Variants in ZNF225 observed in about 807,000 individuals in gnomAD.
The protein encoded by ZNF225 is zinc finger protein 225.
In ZNF225, 6 loss-of-function variants were observed where a neutral mutation model predicts 12.0. That is an observed-to-expected ratio of 0.50 (90% CI 0.27 to 0.98). The LOEUF (loss-of-function observed/expected upper bound fraction) is 0.98. Among genes scored for constraint, ZNF225 ranks in the 50% least tolerant of loss-of-function variants. The pLI, the probability that ZNF225 is intolerant of heterozygous loss-of-function variation, is 0.11. For missense variants in ZNF225, 763 were observed against 848.2 expected, an observed-to-expected ratio of 0.90 and a Z score of 1.25; for synonymous variants, 271 against 283.2, an observed-to-expected ratio of 0.96 and a Z score of 0.43.
At chr19:44,120,367 C>G (rs1051863816) in intron 4 of ZNF225, among the ~76,000 whole-genome samples, 3 of 152,170 alleles carry the variant, frequency 2.0e-5, no homozygotes, top group Admixed American at 1.3e-4. Flanking sequence ...GCTGTCTATT[C>G]ACAGGCTAGA....
At chr19:44,125,292 A>C (rs1026928606) in intron 4 of ZNF225, among the ~76,000 whole-genome samples, 6 of 152,168 alleles carry the variant, frequency 3.9e-5, no homozygotes, top group Admixed American at 3.9e-4. Flanking sequence ...TTCATATATG[A>C]TGCTTAGTTT....
At chr19:44,128,156 C>T (rs543108955) in intron 4 of ZNF225, among the ~76,000 whole-genome samples, 1 of 152,334 alleles carries the variant, frequency 6.6e-6, no homozygotes, top group Admixed American at 6.5e-5. Flanking sequence ...GTTTCTCTTT[C>T]CTTCTCCTAG....
intron 4 of ZNF225, among the ~76,000 whole-genome samples, chr19:44,123,423 T>C (rs937654888): frequency 1.5e-4 from 23 of 152,230 alleles, no homozygotes; most frequent in Non-Finnish European, 3.1e-4. Context: ...TTAGCATCAA[T>C]GTTCATCAAG....
At chr19:44,113,829 C>T (rs1967880521) in intron 1 of ZNF225, among the ~76,000 whole-genome samples, 1 of 152,156 alleles carries the variant, frequency 6.6e-6, no homozygotes, top group Admixed American at 6.5e-5. Flanking sequence ...GAGTTTAGGA[C>T]CATCCTAATA....
At position 44,132,006 on chromosome 19, in the gene ZNF225, C is replaced by T; in HGVS notation, c.1392C>T (p.Ser464=). Residue 464 remains serine, a synonymous_variant, in exon 5 of 5, where the codon AGC becomes AGT. Coordinates refer to ENST00000262894, the MANE Select transcript of ZNF225 (RefSeq NM_013362.4). The part of the protein sequence containing the change: ...KPYNCKECGK[S]FGWASCLLNH... ...ATAATTGTAAGGAATGTGGGAAGAG[C>T]TTTGGCTGGGCCTCGTGTCTTTTGA... is the stretch of plus-strand genomic sequence containing the variant. The T allele has an allele frequency of 1.2e-6, 2 of 1,613,972 alleles. No individual in the cohort carries two copies. Among genetic ancestry groups the T allele is most frequent in the Non-Finnish European group, 1.7e-6 (2 of 1,179,986 alleles).
At chr19:44,113,038 A>G (rs548869904), upstream of ZNF225, 6 of 152,324 alleles carry the variant, frequency 3.9e-5, 1 homozygote, top group African/African-American at 1.4e-4. Flanking sequence ...ATTCGTTCCC[A>G]GTGGGCACCT....
chr19:44,127,614 A>G (rs755918281), intron 4 of ZNF225, among the ~76,000 whole-genome samples: 2 of 152,090 alleles, frequency 1.3e-5, no homozygotes, highest in Non-Finnish European at 2.9e-5. Context: ...ATCCGTGGAA[A>G]GAAACCTTTT....
chr19:44,124,030 T>C (rs1364093953), intron 4 of ZNF225, among the ~76,000 whole-genome samples: 2 of 152,142 alleles, frequency 1.3e-5, no homozygotes, highest in Non-Finnish European at 2.9e-5. Flanking sequence ...GCTCTGATCT[T>C]GGTTCTTTCC....
At chr19:44,124,209 G>A (rs1331049689) in intron 4 of ZNF225, among the ~76,000 whole-genome samples, 1 of 152,030 alleles carries the variant, frequency 6.6e-6, no homozygotes, top group Admixed American at 6.6e-5. Flanking sequence ...TTCATGGGTT[G>A]TGTCATTATT....
rs770267059 is a variant in ZNF225, at chr19:44,118,514, T to G, written c.175T>G (p.Phe59Val). The change falls in exon 4 of 5, where the codon TTC becomes GTC. Residue 59 changes from phenylalanine (F) to valine (V), a missense_variant. By Grantham distance (50) the Phe-to-Val change is conservative. Coordinates refer to ENST00000262894, the MANE Select transcript of ZNF225 (RefSeq NM_013362.4). ...HQSLHRDTFH[F>V]LKEEKFWMME... Reference sequence around the variant, plus strand: ...ATCACTCCACAGAGATACTTTCCACTTCCTAAAGGAAGAAAAGTTTTGGAT... The same window carrying G: ...ATCACTCCACAGAGATACTTTCCACGTCCTAAAGGAAGAAAAGTTTTGGAT... The G allele has an allele frequency of 8.1e-6, 13 of 1,613,472 alleles. No homozygotes were observed. The African/African-American group carries it at 1.6e-4, about 20-fold the overall frequency.
rs1968259576 is a variant in ZNF225, at chr19:44,131,567, G to A, written c.953G>A (p.Cys318Tyr). 3.7e-6 allele frequency: 6 copies of A among 1,614,082 alleles called. No individual in the cohort carries two copies. The highest frequency in any genetic ancestry group is 1.3e-5 in the African/African-American group (1 of 74,934). ...CACATGCGAGAGAAACCATTCAGAT[G>A]TGATACATGTGGTAAGAGCTTTGGT... is the stretch of plus-strand genomic sequence containing the variant. Reference protein sequence around the residue: ...MVHMREKPFRCDTCGKSFGLK... With the variant: ...MVHMREKPFRYDTCGKSFGLK... The change falls in exon 5 of 5, where the codon TGT becomes TAT. Residue 318 changes from cysteine (C) to tyrosine (Y), a missense_variant. Physicochemically the swap from Cys to Tyr is radical, Grantham distance 194. Transcript: ENST00000262894.
At position 44,122,131 on chromosome 19, in the gene ZNF225, C is replaced by T. The variant is rs191802955; in HGVS notation, c.235+3557C>T. Among the ~76,000 whole-genome samples the T allele has an allele frequency of 8.2e-3, 1,254 of 152,254 alleles. 25 individuals are homozygous for T. The highest frequency in any genetic ancestry group is 0.028 in the African/African-American group (1,173 of 41,546). On this transcript the variant is annotated intron_variant, in intron 4 of 4. Coordinates refer to ENST00000262894, the MANE Select transcript of ZNF225 (RefSeq NM_013362.4). ...TTCTAGAATTTTTATAGTTTCAGGTCTTAGATTTGAGTCCTTAATCTATCT... is the reference window on the plus strand; with the variant it reads ...TTCTAGAATTTTTATAGTTTCAGGTTTTAGATTTGAGTCCTTAATCTATCT...
chr19:44,117,112 TA>T (rs1174504617), intron 2 of ZNF225, among the ~76,000 whole-genome samples: 9 of 152,086 alleles, frequency 5.9e-5, no homozygotes, highest in East Asian at 3.8e-4. Flanking sequence ...ACAATAATAA[TA>T]AAAAAAATTT....
rs189754665 is a variant in ZNF225 at position 44,131,342 on chromosome 19, G to A, written c.728G>A (p.Arg243His). The change falls in exon 5 of 5, where the codon CGT becomes CAT. Residue 243 changes from arginine (R) to histidine (H), a missense_variant. Physicochemically the swap from Arg to His is conservative, Grantham distance 29 (BLOSUM62 0). Coordinates refer to ENST00000262894, the MANE Select transcript of ZNF225 (RefSeq NM_013362.4). ...GAGCAGTGTGGGAAAGGCTTTAGTCGTAGATCAGGACTTTATGTTCATCGT... is the reference window on the plus strand; with the variant it reads ...GAGCAGTGTGGGAAAGGCTTTAGTCATAGATCAGGACTTTATGTTCATCGT... The part of the protein sequence containing the change: ...KCEQCGKGFS[R>H]RSGLYVHRKL... 2.4e-3 allele frequency: 3,853 copies of A among 1,614,062 alleles called. 6 individuals are homozygous for A. Among genetic ancestry groups the A allele is most frequent in the Non-Finnish European group, 2.9e-3 (3,475 of 1,180,006 alleles).
At chr19:44,112,504 ATTTTG>A (rs904725422), upstream of ZNF225, among the ~76,000 whole-genome samples, 2 of 152,010 alleles carry the variant, frequency 1.3e-5, no homozygotes, top group African/African-American at 4.8e-5. Context: ...CCTTAAAATA[ATTTTG>A]TTTTGTGAAT....
In ZNF225 at chr19:44,132,188, C is replaced by T; in HGVS notation, c.1574C>T (p.Ser525Leu). 1.2e-6 allele frequency: 2 copies of T among 1,614,054 alleles called. No homozygotes were observed. The highest frequency in any genetic ancestry group is 1.3e-5 in the African/African-American group (1 of 74,982). ...EECGKRFTQN[S>L]QLYSHRRVHT... Reference sequence around the variant, plus strand: ...TGTGGGAAAAGATTTACTCAGAATTCACAACTTTATTCTCATCGCAGAGTC... The same window carrying T: ...TGTGGGAAAAGATTTACTCAGAATTTACAACTTTATTCTCATCGCAGAGTC... Residue 525 changes from serine (S) to leucine (L), a missense_variant, in exon 5 of 5, where the codon TCA (serine) becomes TTA (leucine). Coordinates refer to ENST00000262894, the MANE Select transcript of ZNF225 (RefSeq NM_013362.4).
intron 1 of ZNF225, chr19:44,113,904 G>A (rs1967882074): frequency 4.6e-6 from 1 of 218,834 alleles, no homozygotes; most frequent in African/African-American, 2.3e-5. Flanking sequence ...CTGTCACTTG[G>A]TGACTGGTGG....
chr19:44,131,606 T>C lies in ZNF225; in HGVS notation c.992T>C (p.Leu331Pro). 1.2e-6 allele frequency: 2 copies of C among 1,614,192 alleles called. No individual in the cohort carries two copies. Among genetic ancestry groups the C allele is most frequent in the Non-Finnish European group, 1.7e-6 (2 of 1,180,036 alleles). The change falls in exon 5 of 5, where the codon CTT (leucine) becomes CCT (proline). Residue 331 changes from leucine to proline, a missense_variant. Transcript: ENST00000262894. The stretch of plus-strand genomic sequence containing the variant: ...AAGAGCTTTGGTCTGAAATCAGCAC[T>C]TAATAGTCATCGCATGGTCCACACA... Reference protein sequence around the residue: ...CGKSFGLKSALNSHRMVHTGE... With the variant: ...CGKSFGLKSAPNSHRMVHTGE...
chr19:44,134,714 GTTACAACATGGTGTTA>G lies in ZNF225; in HGVS notation c.*1980_*1995del, dbSNP rs1353352425. On this transcript the variant is annotated 3_prime_UTR_variant, in exon 5 of 5. Transcript: ENST00000262894. The stretch of plus-strand genomic sequence containing the variant: ...TGGTGTGTCCTGGATCATCAACTTG[GTTACAACATGGTGTTA>G]ACATGTGGGACTGATTGTGTTTCTT... The G allele has an allele frequency of 2.0e-5, 3 of 152,138 alleles. No homozygotes were observed. The East Asian group carries it at 5.8e-4, about 29-fold the overall frequency. 9.4% of individuals were successfully genotyped at this position (152,138 alleles called of 1,614,324 possible). A position where few individuals can be genotyped will look rare whatever the true frequency, so the allele number is the denominator to read the frequency against.
Sources: gnomAD v4.1 joint callset for allele counts (sites outside exome capture counted in the v4.1 genomes callset) on GRCh38, gnomAD v4.1.1 for gene constraint, MANE v1.5 for transcripts, NCBI Gene and HGNC (gene_info 2026-07-23, HGNC 2026-07-21) for gene names.